MBD3L1: variants seen among roughly 807,000 people sequenced by gnomAD.
MBD3L1 encodes methyl-CpG binding domain protein 3 like 1, also known as methyl-CpG-binding domain protein 3-like 1.
For missense variants in MBD3L1, 203 were observed against 230.1 expected, an observed-to-expected ratio of 0.88 and a Z score of 0.76; for synonymous variants, 84 against 85.1, an observed-to-expected ratio of 0.99 and a Z score of 0.07.
At position 8,836,484 on chromosome 19, in the gene MBD3L1, T is replaced by C. The variant is rs554021402; in HGVS notation, c.-107+3962T>C. The stretch of plus-strand genomic sequence containing the variant: ...CCTCCTCCCCCCCTCTCCTCCTCCT[T>C]CTTTCTTCTTTTTTCTTTTTTTTTG... On this transcript the variant is annotated intron_variant, in intron 1 of 2. Transcript: ENST00000595891. 1.0e-4 allele frequency among the ~76,000 whole-genome samples: 15 copies of C among 149,404 alleles called. No individual in the cohort carries two copies. The East Asian group carries it at 1.2e-3, about 12-fold the overall frequency.
intron 2 of MBD3L1, among the ~76,000 whole-genome samples, chr19:8,842,241 A>G (rs1939424621): frequency 1.3e-5 from 2 of 150,428 alleles, no homozygotes; most frequent in African/African-American, 4.9e-5. Context: ...TGGGTGGATC[A>G]CTTGAGCCTG....
intron 2 of MBD3L1, among the ~76,000 whole-genome samples, chr19:8,841,410 T>C (rs1247795233): frequency 6.6e-6 from 1 of 152,080 alleles, no homozygotes; most frequent in Non-Finnish European, 1.5e-5. Context: ...AAGGTGAAGA[T>C]ACGGAGGTCC....
chr19:8,837,163 A>T (rs1181366530), intron 1 of MBD3L1, among the ~76,000 whole-genome samples: 1 of 152,216 alleles, frequency 6.6e-6, no homozygotes, highest in African/African-American at 2.4e-5. Context: ...CCAGTTTCTC[A>T]GCAGGTACTT....
chr19:8,835,420 T>C (rs2044445195), intron 1 of MBD3L1, among the ~76,000 whole-genome samples: 1 of 152,122 alleles, frequency 6.6e-6, no homozygotes, highest in African/African-American at 2.4e-5. Flanking sequence ...AATATATACA[T>C]GAAAAGATGC....
At chr19:8,837,101 A>G (rs921499517) in intron 1 of MBD3L1, among the ~76,000 whole-genome samples, 2 of 152,200 alleles carry the variant, frequency 1.3e-5, no homozygotes, top group African/African-American at 4.8e-5. Flanking sequence ...CCAGTTTGTC[A>G]AGACATGAAG....
intron 1 of MBD3L1, among the ~76,000 whole-genome samples, chr19:8,835,781 A>G (rs1333420000): frequency 6.6e-6 from 1 of 152,250 alleles, no homozygotes; most frequent in Non-Finnish European, 1.5e-5. Flanking sequence ...CCCAAATATC[A>G]GTCAACTGAT....
At chr19:8,842,102 G>GT (rs1282045310) in intron 2 of MBD3L1, among the ~76,000 whole-genome samples, 1 of 152,052 alleles carries the variant, frequency 6.6e-6, no homozygotes, top group African/African-American at 2.4e-5. Context: ...TCGAGGGGGG[G>GT]TGGATCACTT....
intron 2 of MBD3L1, among the ~76,000 whole-genome samples, chr19:8,841,458 C>T (rs1231718863): frequency 6.6e-6 from 1 of 152,156 alleles, no homozygotes; most frequent in African/African-American, 2.4e-5. Flanking sequence ...ATACTTGCTC[C>T]TCAAGGTATG....
intron 1 of MBD3L1, among the ~76,000 whole-genome samples, chr19:8,834,628 CA>C (rs112624934): frequency 5.8e-5 from 8 of 138,336 alleles, no homozygotes; most frequent in South Asian, 2.4e-4. Flanking sequence ...AAACCAAAAC[CA>C]AAAAAAAACA....
intron 1 of MBD3L1, among the ~76,000 whole-genome samples, chr19:8,839,950 G>C (rs1445675153): frequency 2.0e-5 from 3 of 152,114 alleles, no homozygotes; most frequent in African/African-American, 7.2e-5. Flanking sequence ...TTGGGAGGTT[G>C]AGGCGGGCAG....
intron 1 of MBD3L1, among the ~76,000 whole-genome samples, chr19:8,838,815 A>G (rs2044481179): frequency 6.6e-6 from 1 of 152,276 alleles, no homozygotes; most frequent in Middle Eastern, 3.4e-3. Context: ...AAAGAGGCAG[A>G]GGTTGGAGGG....
intron 1 of MBD3L1, chr19:8,832,936 T>C (rs1330018415): frequency 6.7e-6 from 1 of 150,172 alleles, no homozygotes; most frequent in Non-Finnish European, 1.5e-5. Flanking sequence ...GCAGTGGTGA[T>C]TGGCAGAGAG....
chr19:8,843,061 C>A lies in MBD3L1; in HGVS notation c.383C>A (p.Ala128Glu), dbSNP rs773797616. The change falls in exon 3 of 3, where the codon GCG (alanine) becomes GAG (glutamate). Residue 128 changes from alanine to glutamate, a missense_variant. Ala to Glu is a moderately radical substitution (Grantham distance 107). Transcript: ENST00000595891. ...CCCCACCTTGCCTGCTCTTCAGATGCGGTGGAGATAATTCCTGCAGAGGGA... is the reference window on the plus strand; with the variant it reads ...CCCCACCTTGCCTGCTCTTCAGATGAGGTGGAGATAATTCCTGCAGAGGGA... ...PMPHLACSSDAVEIIPAEGVG... is the reference protein window; with the variant it reads ...PMPHLACSSDEVEIIPAEGVG... The A allele has an allele frequency of 1.2e-6, 2 of 1,613,988 alleles. No homozygotes were observed. Among genetic ancestry groups the A allele is most frequent in the Admixed American group, 1.7e-5 (1 of 60,012 alleles).
In MBD3L1 at chr19:8,836,470, C is replaced by G. The variant is rs77786966; in HGVS notation, c.-107+3948C>G. Among the ~76,000 whole-genome samples, 18 of 150,402 alleles carry G rather than the reference C, an allele frequency of 1.2e-4. No individual in the cohort carries two copies. In the East Asian group the frequency reaches 3.5e-3, roughly 30 times the overall value. ...CTCTTCCTTTTCCTCCTCCTCCCCC[C>G]CTCTCCTCCTCCTTCTTTCTTCTTT... On this transcript the variant is annotated intron_variant, in intron 1 of 2. Transcript: ENST00000595891.
rs374876767 is a variant in MBD3L1, at chr19:8,841,589, C to T, written c.-22+590C>T. On this transcript the variant is annotated intron_variant, in intron 2 of 2. Coordinates refer to ENST00000595891, the MANE Select transcript of MBD3L1 (RefSeq NM_001393532.1). ...ATTTATTTGTTTTGAGACAGTCTCG[C>T]TCTGTTGCCCAGACTGGAGTGCAGT... Among the ~76,000 whole-genome samples, 7 of 151,928 alleles carry T rather than the reference C, an allele frequency of 4.6e-5. No individual in the cohort carries two copies. The East Asian group carries it at 1.2e-3, about 25-fold the overall frequency.
At chr19:8,835,085 T>C (rs1054810847) in intron 1 of MBD3L1, among the ~76,000 whole-genome samples, 12 of 151,922 alleles carry the variant, frequency 7.9e-5, no homozygotes, top group African/African-American at 2.7e-4. Flanking sequence ...GGAGTCTCCT[T>C]CTGTCACCTA....
intron 1 of MBD3L1, among the ~76,000 whole-genome samples, chr19:8,835,334 G>A (rs924036349): frequency 7.9e-5 from 12 of 152,106 alleles, no homozygotes; most frequent in Non-Finnish European, 1.8e-4. Context: ...TTACAGGTGT[G>A]AGCCACTGCA....
intron 1 of MBD3L1, among the ~76,000 whole-genome samples, chr19:8,834,146 GA>G (rs1196219195): frequency 3.3e-5 from 5 of 152,120 alleles, no homozygotes; most frequent in Admixed American, 2.6e-4. Context: ...CGTCCTTTCA[GA>G]AAAAAATAGT....
At chr19:8,839,094 C>T (rs2044483996) in intron 1 of MBD3L1, among the ~76,000 whole-genome samples, 1 of 151,818 alleles carries the variant, frequency 6.6e-6, no homozygotes, top group South Asian at 2.1e-4. Context: ...CCAGTTCGTA[C>T]TTTCCACTGA....
Sources: gnomAD v4.1 joint callset for allele counts (sites outside exome capture counted in the v4.1 genomes callset) on GRCh38, gnomAD v4.1.1 for gene constraint, MANE v1.5 for transcripts, NCBI Gene and HGNC (gene_info 2026-07-23, HGNC 2026-07-21) for gene names.